The following HERC1 variants were observed in gnomAD, a reference collection of about 807,000 sequenced individuals.
The protein encoded by HERC1 is probable E3 ubiquitin-protein ligase HERC1.
In HERC1, 160 loss-of-function variants were observed where a neutral mutation model predicts 554.3. The observed-to-expected ratio is 0.29, with a 90% CI of 0.25 to 0.33. The LOEUF (loss-of-function observed/expected upper bound fraction) is 0.33, where lower values mean the gene tolerates loss of function less well. HERC1 is among the 10% of genes least tolerant of loss of function. HERC1 has a pLI of 1.00. For missense variants in HERC1, 4,919 were observed against 5,918.5 expected (o/e 0.83, Z 5.54); for synonymous variants, 2,175 against 2,131.7 (o/e 1.02, Z -0.56).
At chr15:63,792,609 T>G (rs576688650) in intron 1 of HERC1, among the ~76,000 whole-genome samples, 10 of 152,310 alleles carry the variant, frequency 6.6e-5, no homozygotes, top group African/African-American at 2.4e-4. Context: ...TAAAATAATA[T>G]TTAGTATTAC....
chr15:63,745,394 T>C (rs943341173), intron 12 of HERC1, among the ~76,000 whole-genome samples: 4 of 152,210 alleles, frequency 2.6e-5, no homozygotes, highest in South Asian at 2.1e-4. Flanking sequence ...CAGAGCACTA[T>C]AGCCCTCAGT....
At chr15:63,614,939 CAAAGTAAGGAAAAAG>C (rs1338681805) in intron 76 of HERC1, among the ~76,000 whole-genome samples, 1 of 152,164 alleles carries the variant, frequency 6.6e-6, no homozygotes, top group Non-Finnish European at 1.5e-5. Context: ...TGAGGAACTT[CAAAGTAAGGAAAAAG>C]ATCACAGGTT....
intron 12 of HERC1, among the ~76,000 whole-genome samples, chr15:63,741,505 GT>G (rs2074804791): frequency 6.6e-6 from 1 of 151,842 alleles, no homozygotes; most frequent in Non-Finnish European, 1.5e-5. Flanking sequence ...TAGATACGGG[GT>G]TTCACCATGT....
chr15:63,747,175 G>A, intron 11 of HERC1, 92 bp from the exon 12 acceptor site: 2 of 1,216,012 alleles, frequency 1.6e-6, no homozygotes, highest in Non-Finnish European at 2.3e-6. Context: ...TAAAAATTTT[G>A]TTGGCTAGGT....
intron 24 of HERC1, among the ~76,000 whole-genome samples, chr15:63,709,773 C>T (rs2073201265): frequency 6.6e-6 from 1 of 151,996 alleles, no homozygotes; most frequent in Non-Finnish European, 1.5e-5. Flanking sequence ...AAATAAAAAC[C>T]AAAAAATCCT....
Position 63,655,905 on chromosome 15 carries a change from T to C in HERC1, c.9921A>G (p.Ser3307=), listed in dbSNP as rs1177101810. The C allele has an allele frequency of 1.2e-6, 2 of 1,613,118 alleles. No individual in the cohort carries two copies. The highest frequency in any genetic ancestry group is 1.7e-6 in the Non-Finnish European group (2 of 1,179,562). Residue 3307 remains serine (S), a synonymous_variant, in exon 50 of 78, where the codon TCA becomes TCG. Transcript: ENST00000443617. ...AGCTGGGTAGAAACTTTCGCTGAAT[T>C]GAGTCATCAACTGTGGTTAGATTTA... ...TGVNLTTVDD[S]IQRKFLPSFL...
chr15:63,746,831 C>T, intron 12 of HERC1, 87 bp downstream of exon 12: 1 of 1,124,602 alleles, frequency 8.9e-7, no homozygotes, highest in Non-Finnish European at 1.3e-6. Flanking sequence ...TTGAAATTGT[C>T]CAATGTACAG....
At chr15:63,637,193 C>T (rs185178127) in intron 64 of HERC1, 15 of 490,894 alleles carry the variant, frequency 3.1e-5, no homozygotes, top group Admixed American at 1.6e-4. Flanking sequence ...GAAATACATG[C>T]ATGATTGCTA....
intron 1 of HERC1, among the ~76,000 whole-genome samples, chr15:63,780,834 AAAT>A (rs924085300): frequency 6.6e-6 from 1 of 152,242 alleles, no homozygotes; most frequent in African/African-American, 2.4e-5. Context: ...GACTGATGTG[AAAT>A]AATAATAACC....
intron 1 of HERC1, among the ~76,000 whole-genome samples, chr15:63,810,484 GAC>G (rs1423805954): frequency 6.6e-6 from 1 of 152,070 alleles, no homozygotes; most frequent in Non-Finnish European, 1.5e-5. Flanking sequence ...ATCTCTGGAA[GAC>G]ACATAAGAAA....
intron 1 of HERC1, among the ~76,000 whole-genome samples, chr15:63,826,236 T>C (rs1226813876): frequency 6.6e-6 from 1 of 152,196 alleles, no homozygotes; most frequent in Admixed American, 6.5e-5. Context: ...TGGGGATTTC[T>C]TCATGTTGTC....
Position 63,640,406 on chromosome 15 carries a change from A to C in HERC1, c.11647T>G (p.Tyr3883Asp). Residue 3883 changes from tyrosine (Y) to aspartate (D), a missense_variant, in exon 61 of 78, where the codon TAT becomes GAT. Tyr to Asp is a radical substitution (Grantham distance 160). This residue lies in a region of HERC1 where 1,963 missense variants were observed against 2,228.6 expected (regional missense o/e 0.88). Transcript: ENST00000443617. ...VCGDQLVHSP[Y>D]MQCLASLAVG... is the part of the protein sequence containing the mutation. ...GCAAGGGAAGCCAAGCATTGCATAT[A>C]GGGGCTATGAACAAGTTGGTCACCA... 1 of 1,613,872 alleles carries C rather than the reference A, an allele frequency of 6.2e-7. No individual in the cohort carries two copies. Among genetic ancestry groups the C allele is most frequent in the Non-Finnish European group, 8.5e-7 (1 of 1,179,804 alleles).
chr15:63,737,364 T>G (rs868272393), intron 12 of HERC1, among the ~76,000 whole-genome samples: 7 of 140,178 alleles, frequency 5.0e-5, no homozygotes, highest in African/African-American at 8.0e-5. Flanking sequence ...TATATATATC[T>G]TTTTTCCAGA....
Position 63,729,317 on chromosome 15 carries a change from G to T in HERC1, c.3073C>A (p.His1025Asn). ...GAACGTGAATAAATATCTGTGGCAT[G>T]AGGCAACAAAAGCTGAAGATGTTTA... ...LHKHLQLLLP[H>N]ATDIYSRSAN... The change falls in exon 16 of 78, where the codon CAT becomes AAT. Residue 1025 changes from histidine to asparagine, a missense_variant. Coordinates refer to ENST00000443617, the MANE Select transcript of HERC1 (RefSeq NM_003922.4). 6.2e-7 allele frequency: 1 copy of T among 1,611,240 alleles called. No individual in the cohort carries two copies. The highest frequency in any genetic ancestry group is 8.5e-7 in the Non-Finnish European group (1 of 1,178,620).
Position 63,648,096 on chromosome 15 carries a change from T to C in HERC1, c.10851A>G (p.Gly3617=), listed in dbSNP as rs367971124. The part of the protein sequence containing the change: ...LLGTKEPLEK[G]GIVLIDAHKD... ...TATGTGCATCAATTAGAACAATGCC[T>C]CCTTTCTCAAGTGGTTCCTTTGTTC... Residue 3617 remains glycine (G), a synonymous_variant, in exon 55 of 78, where the codon GGA becomes GGG. Transcript: ENST00000443617. 45 of 1,563,326 alleles carry C rather than the reference T, an allele frequency of 2.9e-5. No homozygotes were observed. In the African/African-American group the frequency reaches 5.6e-4, roughly 19 times the overall value.
At chr15:63,829,522 AAT>A (rs1567171766) in intron 1 of HERC1, among the ~76,000 whole-genome samples, 1 of 45,644 alleles carries the variant, frequency 2.2e-5, no homozygotes, top group African/African-American at 1.0e-4. Context: ...ATATATAAAT[AAT>A]ATGTGTGCAC....
At chr15:63,742,864 T>C (rs370155552) in intron 12 of HERC1, among the ~76,000 whole-genome samples, 4 of 152,206 alleles carry the variant, frequency 2.6e-5, no homozygotes, top group Non-Finnish European at 5.9e-5. Flanking sequence ...TAGTAGTTTG[T>C]TGAGAATTTT....
chr15:63,666,142 C>G lies in HERC1; in HGVS notation c.8332G>C (p.Gly2778Arg), dbSNP rs367959308. 1 of 1,611,686 alleles carries G rather than the reference C, an allele frequency of 6.2e-7. No homozygotes were observed. Among genetic ancestry groups the G allele is most frequent in the Non-Finnish European group, 8.5e-7 (1 of 1,178,568 alleles). Residue 2778 changes from glycine (G) to arginine (R), a missense_variant, in exon 42 of 78, where the codon GGA becomes CGA. Physicochemically the swap from Gly to Arg is moderately radical, Grantham distance 125. This residue lies in a region of HERC1 where 1,963 missense variants were observed against 2,228.6 expected (regional missense o/e 0.88). Coordinates refer to ENST00000443617, the MANE Select transcript of HERC1 (RefSeq NM_003922.4). ...AKAMEATGAR[G>R]EADAQNITVL... ...GTGATATTCTGGGCATCAGCCTCTC[C>G]CCTAGCACCTATACAGGGGAAAAAC... is the stretch of plus-strand genomic sequence containing the variant.
At chr15:63,682,014 G>A (rs1044424993) in intron 34 of HERC1, among the ~76,000 whole-genome samples, 2 of 152,170 alleles carry the variant, frequency 1.3e-5, no homozygotes, top group Admixed American at 6.5e-5. Flanking sequence ...GAATGTGAGG[G>A]TGGTCTTGGG....
Sources: allele counts gnomAD v4.1 joint callset (sites outside exome capture counted in the v4.1 genomes callset), GRCh38; gene constraint gnomAD v4.1.1; regional missense constraint gnomAD v4.1.1; transcripts MANE v1.5; gene names NCBI Gene and HGNC (gene_info 2026-07-23, HGNC 2026-07-21).